Variants in TGFBR3 observed in about 807,000 individuals in gnomAD.
TGFBR3 encodes the protein transforming growth factor beta receptor 3, also known as transforming growth factor beta receptor type 3.
Under a neutral mutation model 87.9 loss-of-function variants are expected in TGFBR3, and 46 were observed. The observed-to-expected ratio is 0.52, with a 90% CI of 0.41 to 0.67. The LOEUF is 0.67. TGFBR3 is among the 30% of genes least tolerant of loss of function. The pLI, the probability that TGFBR3 is intolerant of heterozygous loss-of-function variation, is 0.00. For synonymous variants in TGFBR3, 381 were observed against 391.6 expected (o/e 0.97, Z 0.32); for missense variants, 866 against 1,041.9 (o/e 0.83, Z 2.32).
chr1:91,901,511 C>T (rs1368077102), intron 1 of TGFBR3, among the ~76,000 whole-genome samples: 4 of 152,120 alleles, frequency 2.6e-5, no homozygotes, highest in Admixed American at 2.0e-4. Context: ...TAAATAATAG[C>T]ATTGTACATT....
intron 2 of TGFBR3, among the ~76,000 whole-genome samples, chr1:91,832,721 G>A (rs984213037): frequency 1.3e-5 from 2 of 152,140 alleles, no homozygotes; most frequent in African/African-American, 4.8e-5. Flanking sequence ...TCTGAATCGG[G>A]GTCACGCATG....
chr1:91,811,450 T>C (rs1325916512), intron 2 of TGFBR3, among the ~76,000 whole-genome samples: 2 of 152,200 alleles, frequency 1.3e-5, no homozygotes, highest in Non-Finnish European at 2.9e-5. Context: ...ATTTGCATTA[T>C]TGTAGGTATG....
chr1:91,747,808 C>T (rs1673396465), intron 4 of TGFBR3, among the ~76,000 whole-genome samples: 2 of 152,210 alleles, frequency 1.3e-5, no homozygotes, highest in Non-Finnish European at 2.9e-5. Flanking sequence ...CCCAAGGCTT[C>T]CCTGAGGAAG....
upstream of TGFBR3, among the ~76,000 whole-genome samples, chr1:91,889,000 G>A (rs1395111053): frequency 6.6e-6 from 1 of 152,090 alleles, no homozygotes; most frequent in Non-Finnish European, 1.5e-5. Context: ...TCCTGCCTCA[G>A]CCTCCTGAGT....
At chr1:91,878,205 C>G (rs1340714173) in intron 1 of TGFBR3, among the ~76,000 whole-genome samples, 1 of 151,372 alleles carries the variant, frequency 6.6e-6, no homozygotes, top group Non-Finnish European at 1.5e-5. Flanking sequence ...CAAAAGTACT[C>G]AGGGTACCAC....
At chr1:91,727,832 T>G (rs761066979) in intron 6 of TGFBR3, 26 bp from the exon 7 acceptor site, 2 of 1,612,984 alleles carry the variant, frequency 1.2e-6, no homozygotes, top group East Asian at 4.5e-5. Flanking sequence ...AAAGGCAAAG[T>G]TAAGACCTAC....
At chr1:91,837,525 C>T (rs971703939) in intron 2 of TGFBR3, among the ~76,000 whole-genome samples, 1 of 152,134 alleles carries the variant, frequency 6.6e-6, no homozygotes, top group East Asian at 1.9e-4. Context: ...CATGTGTGAG[C>T]CACCATGCCC....
intron 4 of TGFBR3, among the ~76,000 whole-genome samples, chr1:91,737,478 C>A (rs1673006022): frequency 6.6e-6 from 1 of 152,130 alleles, no homozygotes; most frequent in South Asian, 2.1e-4. Flanking sequence ...GAGAGTCATG[C>A]ACCAGGCCCA....
At chr1:91,685,877 CT>C (rs1671075824) in intron 16 of TGFBR3, among the ~76,000 whole-genome samples, 1 of 152,210 alleles carries the variant, frequency 6.6e-6, no homozygotes, top group Non-Finnish European at 1.5e-5. Context: ...AAGAATTTGA[CT>C]CCCTTACAAA....
intron 2 of TGFBR3, among the ~76,000 whole-genome samples, chr1:91,806,633 G>A (rs1434943317): frequency 6.6e-6 from 1 of 152,158 alleles, no homozygotes; most frequent in East Asian, 1.9e-4. Flanking sequence ...ATATCACCCA[G>A]GGTTCTAATG....
intron 4 of TGFBR3, among the ~76,000 whole-genome samples, chr1:91,737,387 C>T (rs1000231038): frequency 2.0e-5 from 3 of 152,102 alleles, no homozygotes; most frequent in Non-Finnish European, 2.9e-5. Flanking sequence ...ATCTGATTTG[C>T]GGAACTGTGA....
chr1:91,713,712 A>C (rs935734230), intron 12 of TGFBR3, among the ~76,000 whole-genome samples: 13 of 152,366 alleles, frequency 8.5e-5, no homozygotes, highest in African/African-American at 2.9e-4. Flanking sequence ...GCTAATGAAG[A>C]GGATTCTGAT....
intron 1 of TGFBR3, among the ~76,000 whole-genome samples, chr1:91,867,470 G>A (rs1164102916): frequency 1.3e-5 from 2 of 152,096 alleles, no homozygotes; most frequent in Non-Finnish European, 2.9e-5. Context: ...CCTTGGGGCC[G>A]AACTTCAGTC....
rs1362457082 is a variant in TGFBR3, at chr1:91,680,726, T to A, written c.*3013A>T. The A allele has an allele frequency of 2.2e-6, 1 of 453,920 alleles. No individual in the cohort carries two copies. The highest frequency in any genetic ancestry group is 4.4e-6 in the Non-Finnish European group (1 of 226,800). The allele number at this position is 453,920 out of a possible 1,614,324, so 28.1% of individuals were successfully genotyped here. On this transcript the variant is annotated 3_prime_UTR_variant, in exon 17 of 17. Coordinates refer to ENST00000212355, the MANE Select transcript of TGFBR3 (RefSeq NM_003243.5). ...GTTAACACAACCAGCAGTACAATCA[T>A]CATTCAAACCATGAGGTAGTTACAG...
intron 2 of TGFBR3, among the ~76,000 whole-genome samples, chr1:91,894,919 T>C (rs1024432106): frequency 1.3e-4 from 20 of 152,116 alleles, no homozygotes; most frequent in African/African-American, 4.8e-4. Context: ...TACAGGTATG[T>C]ACCACCACAC....
chr1:91,796,849 T>C (rs2101004275), intron 3 of TGFBR3, among the ~76,000 whole-genome samples: 1 of 152,162 alleles, frequency 6.6e-6, no homozygotes, highest in Non-Finnish European at 1.5e-5. Context: ...CCCAAGTAGC[T>C]GGGACTACAT....
At chr1:91,836,497 C>T (rs947108699) in intron 2 of TGFBR3, among the ~76,000 whole-genome samples, 10 of 152,252 alleles carry the variant, frequency 6.6e-5, no homozygotes, top group Admixed American at 5.9e-4. Flanking sequence ...TGCACCCAGG[C>T]AGCTGGCTCT....
At chr1:91,900,537 CTG>C (rs1679689816) in intron 1 of TGFBR3, among the ~76,000 whole-genome samples, 1 of 152,188 alleles carries the variant, frequency 6.6e-6, no homozygotes, top group Non-Finnish European at 1.5e-5. Context: ...AATATGCAAA[CTG>C]TAATTTCCTA....
At chr1:91,716,474 T>C in intron 11 of TGFBR3, 80 bp from the exon 12 acceptor site, 1 of 1,613,980 alleles carries the variant, frequency 6.2e-7, no homozygotes, top group Non-Finnish European at 8.5e-7. Flanking sequence ...GCTTTGGCTT[T>C]TAACATCTGA....
Sources: gnomAD v4.1 joint callset for allele counts (sites outside exome capture counted in the v4.1 genomes callset) on GRCh38, gnomAD v4.1.1 for gene constraint, MANE v1.5 for transcripts, NCBI Gene and HGNC (gene_info 2026-07-23, HGNC 2026-07-21) for gene names.